Variants in FAM78B observed in about 807,000 individuals in gnomAD.
FAM78B encodes family with sequence similarity 78 member B.
A neutral mutation model predicts 20.0 loss-of-function variants in FAM78B; 10 were observed. The ratio of observed to expected loss-of-function variants is 0.50; its 90% CI spans 0.31 to 0.85. The LOEUF is 0.85. Among genes scored for constraint, FAM78B ranks in the 40% least tolerant of loss-of-function variants. The pLI is 0.05. For missense variants in FAM78B, 283 were observed against 345.0 expected (o/e 0.82, Z 1.42); for synonymous variants, 135 against 132.8 (o/e 1.02, Z -0.12).
At chr1:166,064,345 T>C (rs922332398), downstream of FAM78B, among the ~76,000 whole-genome samples, 3 of 152,122 alleles carry the variant, frequency 2.0e-5, no homozygotes, top group African/African-American at 7.2e-5. Context: ...AATATATATA[T>C]ATTTTCCTCT....
At chr1:166,127,040 A>G (rs923075145) in intron 1 of FAM78B, among the ~76,000 whole-genome samples, 3 of 152,346 alleles carry the variant, frequency 2.0e-5, no homozygotes, top group East Asian at 1.9e-4. Flanking sequence ...GGAATAAAAG[A>G]TTTTGAGGCT....
chr1:166,099,352 C>A (rs1557899208), intron 1 of FAM78B, among the ~76,000 whole-genome samples: 1 of 151,390 alleles, frequency 6.6e-6, no homozygotes, highest in Non-Finnish European at 1.5e-5. Context: ...AAAGCAAAAA[C>A]AAACAAACAA....
At chr1:166,072,540 TTGAG>T (rs1652091114) in intron 1 of FAM78B, among the ~76,000 whole-genome samples, 1 of 152,184 alleles carries the variant, frequency 6.6e-6, no homozygotes, top group African/African-American at 2.4e-5. Flanking sequence ...TACATGTTCT[TTGAG>T]TGGGTCAGAG....
Position 166,153,386 on chromosome 1 carries a change from C to T in FAM78B, c.263+12600G>A, listed in dbSNP as rs147515987. ...ACAAGCAGAGGGTCAGAAACCAAGCCGGTAGAACTTGGGATGGACACAAAG... is the reference window on the plus strand; with the variant it reads ...ACAAGCAGAGGGTCAGAAACCAAGCTGGTAGAACTTGGGATGGACACAAAG... On this transcript the variant is annotated intron_variant, in intron 1 of 1. Transcript: ENST00000354422. Among the ~76,000 whole-genome samples the T allele has an allele frequency of 3.0e-3, 452 of 152,266 alleles. 2 individuals carry two copies. The highest frequency in any genetic ancestry group is 0.01 in the African/African-American group (423 of 41,540).
chr1:166,109,912 AT>A lies in FAM78B; in HGVS notation c.264-39150del, dbSNP rs1653982885. The stretch of plus-strand genomic sequence containing the variant: ...TATGTATATATATATATATATATAT[AT>A]ATATATAATGGAATACTATGCAGAC... On this transcript the variant is annotated intron_variant, in intron 1 of 1. Coordinates refer to ENST00000354422, the MANE Select transcript of FAM78B (RefSeq NM_001017961.5). Among the ~76,000 whole-genome samples the A allele has an allele frequency of 2.6e-5, 3 of 113,854 alleles. No individual in the cohort carries two copies. In the East Asian group the frequency reaches 8.4e-4, roughly 32 times the overall value. The allele number at this position is 113,854 out of a possible 152,430, so 74.7% of individuals were successfully genotyped here.
chr1:166,079,190 G>T (rs954303524), intron 1 of FAM78B, among the ~76,000 whole-genome samples: 2 of 152,044 alleles, frequency 1.3e-5, no homozygotes, highest in African/African-American at 4.8e-5. Context: ...GCCTCCGCCC[G>T]CCAAGTTGCT....
At chr1:166,097,674 C>T (rs981607225) in intron 1 of FAM78B, among the ~76,000 whole-genome samples, 1 of 152,180 alleles carries the variant, frequency 6.6e-6, no homozygotes, top group Non-Finnish European at 1.5e-5. Flanking sequence ...CCTAGGTATA[C>T]AACTCCAGTG....
intron 1 of FAM78B, chr1:166,164,921 G>C (rs1367919909): frequency 6.6e-6 from 1 of 152,256 alleles, no homozygotes; most frequent in Non-Finnish European, 1.5e-5. Flanking sequence ...GTAGAAGGCA[G>C]GCCCTAAACC....
At chr1:166,101,979 G>A (rs1439954643) in intron 1 of FAM78B, among the ~76,000 whole-genome samples, 3 of 152,140 alleles carry the variant, frequency 2.0e-5, no homozygotes, top group East Asian at 3.9e-4. Context: ...GTTACCCACA[G>A]AGGGAAGCCC....
chr1:166,067,750 T>C (rs942290524), downstream of FAM78B, among the ~76,000 whole-genome samples: 1 of 152,230 alleles, frequency 6.6e-6, no homozygotes, highest in East Asian at 1.9e-4. Context: ...CACCCAACTG[T>C]AGAGTTCACA....
intron 1 of FAM78B, among the ~76,000 whole-genome samples, chr1:166,110,512 T>C (rs921153760): frequency 6.6e-6 from 1 of 152,224 alleles, no homozygotes; most frequent in African/African-American, 2.4e-5. Context: ...CAATGTCTTT[T>C]TCTCCCATGT....
intron 1 of FAM78B, among the ~76,000 whole-genome samples, chr1:166,104,125 C>A (rs1194572063): frequency 6.6e-6 from 1 of 152,120 alleles, no homozygotes; most frequent in African/African-American, 2.4e-5. Flanking sequence ...TCAATAGATG[C>A]AGAAAAGGCT....
intron 1 of FAM78B, among the ~76,000 whole-genome samples, chr1:166,101,726 C>T (rs1224789958): frequency 6.6e-6 from 1 of 152,044 alleles, no homozygotes; most frequent in African/African-American, 2.4e-5. Context: ...ACCAAATCTA[C>T]GTCTGATTGG....
intron 1 of FAM78B, among the ~76,000 whole-genome samples, chr1:166,133,315 A>T (rs370401817): frequency 1.1e-3 from 161 of 152,314 alleles, no homozygotes; most frequent in African/African-American, 3.6e-3. Context: ...GGTTATGGGA[A>T]TTCTCAGGAG....
chr1:166,156,086 C>T (rs1039125469), intron 1 of FAM78B, among the ~76,000 whole-genome samples: 1 of 152,246 alleles, frequency 6.6e-6, no homozygotes, highest in Non-Finnish European at 1.5e-5. Context: ...AGAGCCTGTG[C>T]CGGACACAGG....
chr1:166,089,633 C>T (rs1652985394), intron 1 of FAM78B, among the ~76,000 whole-genome samples: 1 of 152,028 alleles, frequency 6.6e-6, no homozygotes, highest in Admixed American at 6.5e-5. Flanking sequence ...GAAGATGCAG[C>T]CTTGTGATGG....
chr1:166,135,664 G>C (rs1655040019), intron 1 of FAM78B, among the ~76,000 whole-genome samples: 1 of 152,204 alleles, frequency 6.6e-6, no homozygotes, highest in Non-Finnish European at 1.5e-5. Context: ...GTGGGGAAAA[G>C]GAGAAAGAAC....
chr1:166,080,392 G>A (rs746688870), intron 1 of FAM78B, among the ~76,000 whole-genome samples: 19 of 152,304 alleles, frequency 1.2e-4, no homozygotes, highest in Non-Finnish European at 2.5e-4. Flanking sequence ...CACAGGCACA[G>A]CAGGGGATCT....
intron 1 of FAM78B, among the ~76,000 whole-genome samples, chr1:166,138,234 CCT>C (rs1203812132): frequency 3.9e-5 from 6 of 152,090 alleles, no homozygotes; most frequent in South Asian, 4.1e-4. Flanking sequence ...TCCTCACTCC[CCT>C]CATCAAAGGC....
Sources: gnomAD v4.1 joint callset for allele counts (sites outside exome capture counted in the v4.1 genomes callset) on GRCh38, gnomAD v4.1.1 for gene constraint, MANE v1.5 for transcripts, NCBI Gene and HGNC (gene_info 2026-07-23, HGNC 2026-07-21) for gene names.